The following SH3GL2 variants were observed in gnomAD, a reference collection of about 807,000 sequenced individuals.
The protein encoded by SH3GL2 is SH3 domain containing GRB2 like 2, endophilin A1.
A neutral mutation model predicts 46.0 loss-of-function variants in SH3GL2; 24 were observed. The ratio of observed to expected loss-of-function variants is 0.52; its 90% confidence interval spans 0.38 to 0.73. The LOEUF (loss-of-function observed/expected upper bound fraction) is 0.73, where lower values mean the gene tolerates loss of function less well. Ranked by LOEUF, SH3GL2 falls within the 30% of genes least tolerant of loss-of-function variation. The pLI is 0.00. For missense variants in SH3GL2, 413 were observed against 424.2 expected, an observed-to-expected ratio of 0.97 and a Z score of 0.23; for synonymous variants, 196 against 147.1, an observed-to-expected ratio of 1.33 and a Z score of -2.40.
chr9:17,623,319 G>A (rs570386439), intron 1 of SH3GL2, among the ~76,000 whole-genome samples: 6 of 152,182 alleles, frequency 3.9e-5, no homozygotes, highest in African/African-American at 1.2e-4. Context: ...AAGCTAGCTG[G>A]CGAGGTTCAG....
intron 1 of SH3GL2, among the ~76,000 whole-genome samples, chr9:17,669,312 C>T (rs1017303184): frequency 1.3e-5 from 2 of 152,082 alleles, no homozygotes; most frequent in Admixed American, 6.5e-5. Context: ...GTATTTACTT[C>T]GGTGCCATTC....
In SH3GL2 at chr9:17,747,117, T is replaced by C. The variant is rs768188380; in HGVS notation, c.97T>C (p.Phe33Leu). 1 of 1,606,922 alleles carries C rather than the reference T, an allele frequency of 6.2e-7. No homozygotes were observed. Among genetic ancestry groups the C allele is most frequent in the Non-Finnish European group, 8.5e-7 (1 of 1,173,706 alleles). ...TGAAGGAACCAAGCTAGATGATGACTTCAAAGAGATGGAAAGGGTAAGCCT... is the reference window on the plus strand; with the variant it reads ...TGAAGGAACCAAGCTAGATGATGACCTCAAAGAGATGGAAAGGGTAAGCCT... ...GAEGTKLDDDFKEMERKVDVT... is the reference protein window; with the variant it reads ...GAEGTKLDDDLKEMERKVDVT... The change falls in exon 2 of 9, where the codon TTC becomes CTC. Residue 33 changes from phenylalanine (F) to leucine (L), a missense_variant. This residue lies in a region of SH3GL2 where 160 missense variants were observed against 192.3 expected (regional missense o/e 0.83). Coordinates refer to ENST00000380607, the MANE Select transcript of SH3GL2 (RefSeq NM_003026.5).
chr9:17,714,423 C>G (rs775281278), intron 1 of SH3GL2, among the ~76,000 whole-genome samples: 17 of 151,516 alleles, frequency 1.1e-4, no homozygotes, highest in Admixed American at 2.6e-4. Context: ...TTTGTTTAAT[C>G]TGTTATTTAT....
intron 5 of SH3GL2, 66 bp downstream of exon 5, chr9:17,787,579 T>C: frequency 7.3e-7 from 1 of 1,365,530 alleles, no homozygotes; most frequent in East Asian, 2.3e-5. Context: ...GCCTTTTTTC[T>C]TTAGAAAACA....
intron 1 of SH3GL2, among the ~76,000 whole-genome samples, chr9:17,746,287 A>G (rs1462882177): frequency 1.3e-5 from 2 of 152,170 alleles, no homozygotes; most frequent in Non-Finnish European, 2.9e-5. Context: ...CGTGTTAGCC[A>G]GGATGGTCTC....
At chr9:17,702,684 T>A (rs1821368256) in intron 1 of SH3GL2, among the ~76,000 whole-genome samples, 1 of 152,116 alleles carries the variant, frequency 6.6e-6, no homozygotes, top group Non-Finnish European at 1.5e-5. Context: ...ATTATTACAA[T>A]TAGGAAATTA....
At chr9:17,686,749 TGGACACA>T (rs1452382093) in intron 1 of SH3GL2, among the ~76,000 whole-genome samples, 2 of 131,196 alleles carry the variant, frequency 1.5e-5, no homozygotes, top group Non-Finnish European at 3.1e-5. Context: ...TGAAATCACA[TGGACACA>T]GGAAGGGGAA....
chr9:17,738,863 C>T (rs1822440696), intron 1 of SH3GL2, among the ~76,000 whole-genome samples: 1 of 151,942 alleles, frequency 6.6e-6, no homozygotes, highest in Non-Finnish European at 1.5e-5. Flanking sequence ...GAGGCCCACC[C>T]ACATTATGAA....
intron 2 of SH3GL2, among the ~76,000 whole-genome samples, chr9:17,759,984 T>C (rs1290403806): frequency 6.6e-6 from 1 of 152,194 alleles, no homozygotes; most frequent in Admixed American, 6.5e-5. Context: ...GCATAAGACA[T>C]TCTATGACTT....
At chr9:17,592,126 C>T (rs1000608359) in intron 1 of SH3GL2, among the ~76,000 whole-genome samples, 9 of 152,250 alleles carry the variant, frequency 5.9e-5, no homozygotes, top group East Asian at 3.9e-4. Context: ...CCTGAGGCCC[C>T]GGGGAGCTGC....
In SH3GL2 at chr9:17,628,840, T is replaced by C. The variant is rs144223586; in HGVS notation, c.45+49553T>C. Among the ~76,000 whole-genome samples, 35 of 152,296 alleles carry C rather than the reference T, an allele frequency of 2.3e-4. No homozygotes were observed. The East Asian group carries it at 4.1e-3, about 18-fold the overall frequency. ...CTTTGCATAGGTTGCCAGCCAAAAA[T>C]TGATATTGGATCCAATTCCATCAGA... On this transcript the variant is annotated intron_variant, in intron 1 of 8. Transcript: ENST00000380607.
intron 1 of SH3GL2, among the ~76,000 whole-genome samples, chr9:17,613,671 G>T (rs987863574): frequency 6.6e-6 from 1 of 152,162 alleles, no homozygotes; most frequent in African/African-American, 2.4e-5. Context: ...TCTTGGTTTG[G>T]CTCTTGGGCT....
At chr9:17,699,153 C>CAAA (rs3084657) in intron 1 of SH3GL2, among the ~76,000 whole-genome samples, 13 of 86,498 alleles carry the variant, frequency 1.5e-4, no homozygotes, top group Non-Finnish European at 2.0e-4. Context: ...GACTCTGTCT[C>CAAA]AAAAAAAAAA....
chr9:17,699,143 G>T (rs994830353), intron 1 of SH3GL2, among the ~76,000 whole-genome samples: 8 of 115,348 alleles, frequency 6.9e-5, no homozygotes, highest in Non-Finnish European at 1.3e-4. Context: ...GACAGAGTGA[G>T]ACTCTGTCTC....
At chr9:17,707,187 TC>T (rs1821492964) in intron 1 of SH3GL2, among the ~76,000 whole-genome samples, 1 of 152,040 alleles carries the variant, frequency 6.6e-6, no homozygotes, top group African/African-American at 2.4e-5. Flanking sequence ...CCCTTGACTC[TC>T]TGATTCTCCA....
At chr9:17,738,712 T>G (rs1822437296) in intron 1 of SH3GL2, among the ~76,000 whole-genome samples, 1 of 149,290 alleles carries the variant, frequency 6.7e-6, no homozygotes, top group Non-Finnish European at 1.5e-5. Flanking sequence ...GTGATTATGT[T>G]TGACAAGTCA....
Position 17,633,648 on chromosome 9 carries a change from A to G in SH3GL2, c.45+54361A>G, listed in dbSNP as rs192649814. On this transcript the variant is annotated intron_variant, in intron 1 of 8. Transcript: ENST00000380607. ...TATTTTTATAAATCAGATATGTAGGATTCTAGGTCTGTGAAATGAAATTGA... is the reference window on the plus strand; with the variant it reads ...TATTTTTATAAATCAGATATGTAGGGTTCTAGGTCTGTGAAATGAAATTGA... Among the ~76,000 whole-genome samples, 6 of 152,262 alleles carry G rather than the reference A, an allele frequency of 3.9e-5. No homozygotes were observed. The East Asian group carries it at 1.2e-3, about 29-fold the overall frequency.
chr9:17,604,800 C>T (rs947916245), intron 1 of SH3GL2, among the ~76,000 whole-genome samples: 2 of 152,092 alleles, frequency 1.3e-5, no homozygotes, highest in African/African-American at 2.4e-5. Context: ...ATGCTCAGCT[C>T]TGACCTTGGG....
At chr9:17,617,827 G>C (rs568618590) in intron 1 of SH3GL2, among the ~76,000 whole-genome samples, 1 of 152,074 alleles carries the variant, frequency 6.6e-6, no homozygotes, top group African/African-American at 2.4e-5. Context: ...TTGGAAGGTT[G>C]TATGTCAGGA....
Sources: gnomAD v4.1 joint callset for allele counts (sites outside exome capture counted in the v4.1 genomes callset) on GRCh38, gnomAD v4.1.1 for gene constraint, gnomAD v4.1.1 regional missense constraint, MANE v1.5 for transcripts, NCBI Gene and HGNC (gene_info 2026-07-23, HGNC 2026-07-21) for gene names.